RTN4: variants seen among roughly 807,000 people sequenced by gnomAD.
The protein encoded by RTN4 is reticulon 4.
A neutral mutation model predicts 90.4 loss-of-function variants in RTN4; 32 were observed. That is an observed-to-expected ratio of 0.35 (90% CI 0.27 to 0.48). The LOEUF (loss-of-function observed/expected upper bound fraction) is 0.48, where lower values mean the gene tolerates loss of function less well. RTN4 is among the 20% of genes least tolerant of loss of function. The pLI, the probability that RTN4 is intolerant of heterozygous loss-of-function variation, is 0.99. For missense variants in RTN4, 1,706 were observed against 1,430.2 expected, an observed-to-expected ratio of 1.19 and a Z score of -3.11; for synonymous variants, 629 against 552.5, an observed-to-expected ratio of 1.14 and a Z score of -1.94.
chr2:55,105,490 A>G (rs538659672), intron 1 of RTN4, among the ~76,000 whole-genome samples: 15 of 152,028 alleles, frequency 9.9e-5, no homozygotes, highest in Non-Finnish European at 1.5e-4. Context: ...TCAGCTTCCC[A>G]AAGTTGTGGG....
At chr2:54,985,592 A>G (rs1232856688) in intron 4 of RTN4, among the ~76,000 whole-genome samples, 1 of 152,232 alleles carries the variant, frequency 6.6e-6, no homozygotes, top group Admixed American at 6.5e-5. Flanking sequence ...TAAAATATGT[A>G]CATAAAAGGT....
At chr2:55,043,652 G>T (rs1031062253) in intron 1 of RTN4, among the ~76,000 whole-genome samples, 15 of 152,092 alleles carry the variant, frequency 9.9e-5, no homozygotes, top group African/African-American at 3.1e-4. Context: ...GTGGGACACC[G>T]AGGCAGGTGG....
Position 54,977,017 on chromosome 2 carries a change from G to A in RTN4, c.3361-2253C>T, listed in dbSNP as rs150552929. 1.8e-4 allele frequency among the ~76,000 whole-genome samples: 27 copies of A among 152,356 alleles called. 1 individual carries two copies. The highest frequency in any genetic ancestry group is 1.7e-3 in the East Asian group (9 of 5,196). On this transcript the variant is annotated intron_variant, in intron 5 of 8. Transcript: ENST00000337526. ...TTATCTTTCTTCCAGGGCAATAAGA[G>A]AATTAAATTCACTGTGTATAACACA...
At chr2:55,086,001 A>G (rs1372089195) in intron 1 of RTN4, among the ~76,000 whole-genome samples, 1 of 152,248 alleles carries the variant, frequency 6.6e-6, no homozygotes, top group Middle Eastern at 3.2e-3. Flanking sequence ...TGTAGCGTCA[A>G]TAGGTGATAG....
intron 2 of RTN4, among the ~76,000 whole-genome samples, chr2:55,075,903 T>C (rs1254107950): frequency 2.0e-5 from 3 of 152,164 alleles, no homozygotes; most frequent in Non-Finnish European, 4.4e-5. Context: ...AGAATGAAAC[T>C]GGATTCTCAT....
intron 5 of RTN4, 72 bp downstream of exon 5, chr2:54,982,443 C>G: frequency 7.5e-7 from 1 of 1,331,806 alleles, no homozygotes. Context: ...TATAGAAGAA[C>G]AGAATTTTAC....
intron 1 of RTN4, among the ~76,000 whole-genome samples, chr2:55,098,612 CATCAAT>C (rs965315183): frequency 1.2e-4 from 19 of 152,176 alleles, no homozygotes; most frequent in African/African-American, 4.6e-4. Context: ...AATCTCTTAA[CATCAAT>C]ATCGAGTCAT....
chr2:55,045,616 C>T (rs972962218), intron 1 of RTN4, among the ~76,000 whole-genome samples: 8 of 151,812 alleles, frequency 5.3e-5, no homozygotes, highest in African/African-American at 9.7e-5. Flanking sequence ...AGCTCTAATT[C>T]GAGAAGGGGT....
chr2:55,037,809 A>C (rs1320935362), intron 1 of RTN4, among the ~76,000 whole-genome samples: 1 of 152,244 alleles, frequency 6.6e-6, no homozygotes, highest in Non-Finnish European at 1.5e-5. Flanking sequence ...TCTGAAATTT[A>C]TGCAGAAATA....
Position 55,050,161 on chromosome 2 carries a change from T to C in RTN4, c.140A>G (p.Glu47Gly). 2 of 1,562,762 alleles carry C rather than the reference T, an allele frequency of 1.3e-6. No homozygotes were observed. Among genetic ancestry groups the C allele is most frequent in the Non-Finnish European group, 1.7e-6 (2 of 1,161,700 alleles). Residue 47 changes from glutamate (E) to glycine (G), a missense_variant, in exon 1 of 9, where the codon GAA (glutamate) becomes GGA (glycine). Physicochemically the swap from Glu to Gly is moderately conservative, Grantham distance 98. Coordinates refer to ENST00000337526, the MANE Select transcript of RTN4 (RefSeq NM_020532.5). This position sits in a 1 kb window ranked among gnomAD's most constrained non-coding sequence, Gnocchi z 4.6. The part of the protein sequence containing the change: ...EEEEEEEDED[E>G]DLEELEVLER... ...CAGCACCTCCAGCTCCTCCAGGTCT[T>C]CGTCCTCGTCCTCCTCTTCCTCCTC...
At chr2:55,061,332 G>C (rs1668288430) in intron 2 of RTN4, among the ~76,000 whole-genome samples, 1 of 152,124 alleles carries the variant, frequency 6.6e-6, no homozygotes, top group South Asian at 2.1e-4. Flanking sequence ...CCAAAGTGCT[G>C]GGATTACAGA....
chr2:55,104,498 A>C lies in RTN4; in HGVS notation c.-214+8022T>G, dbSNP rs1387092487. 3.3e-5 allele frequency among the ~76,000 whole-genome samples: 5 copies of C among 151,880 alleles called. No homozygotes were observed. The South Asian group carries it at 1.0e-3, about 32-fold the overall frequency. On this transcript the variant is annotated intron_variant, in intron 1 of 3. Coordinates refer to the RTN4 transcript ENST00000427710. ...CCCGAGTATCTGGGACTACAGGCGC[A>C]TGCCACCACATCTGGCTAATTTTTG...
At chr2:55,099,046 T>G (rs1212687600) in intron 1 of RTN4, among the ~76,000 whole-genome samples, 1 of 152,164 alleles carries the variant, frequency 6.6e-6, no homozygotes, top group Non-Finnish European at 1.5e-5. Flanking sequence ...CACTTCTCCT[T>G]AAGGCCTAGA....
At chr2:55,120,229 C>CA in the RTN4 span, among the ~76,000 whole-genome samples, 1 of 152,194 alleles carries the variant, frequency 6.6e-6, no homozygotes, top group African/African-American at 2.4e-5. Flanking sequence ...CCGAAGGAAG[C>CA]AAAGGTTCTT....
Position 54,979,195 on chromosome 2 carries a change from G to A in RTN4, c.3360+3320C>T, listed in dbSNP as rs530039355. Among the ~76,000 whole-genome samples the A allele has an allele frequency of 1.9e-4, 29 of 151,170 alleles. 1 individual carries two copies. Among genetic ancestry groups the A allele is most frequent in the Admixed American group, 6.6e-4 (10 of 15,156 alleles). On this transcript the variant is annotated intron_variant, in intron 5 of 8. Coordinates refer to ENST00000337526, the MANE Select transcript of RTN4 (RefSeq NM_020532.5). ...AGCCTCCCAAGTAGCTGGGACTACA[G>A]GCATGGGCGACCATGGCTGGCTGAT...
chr2:54,997,985 G>C (rs1175011890), intron 3 of RTN4, among the ~76,000 whole-genome samples: 1 of 152,132 alleles, frequency 6.6e-6, no homozygotes, highest in East Asian at 1.9e-4. Context: ...GGGTCTTAGA[G>C]TCTTACCCCT....
intron 5 of RTN4, among the ~76,000 whole-genome samples, chr2:54,978,054 T>C (rs115114228): frequency 6.6e-6 from 1 of 152,148 alleles, no homozygotes; most frequent in Admixed American, 6.5e-5. Flanking sequence ...CAAAAGGCAA[T>C]AAGCAAGGAA....
In RTN4 at chr2:55,026,836, ATCCACT is replaced by A. The variant is rs1342416183; in HGVS notation, c.1257_1262del (p.Lys419_Asp421delinsAsn). 6.2e-7 allele frequency: 1 copy of A among 1,613,800 alleles called. No individual in the cohort carries two copies. The highest frequency in any genetic ancestry group is 2.2e-5 in the East Asian group (1 of 44,888). On this transcript the variant is annotated inframe_deletion, in exon 3 of 9. Transcript: ENST00000337526. ...CAAGGCTATCTGCAAAACATTTTTT[ATCCACT>A]TTACTTTCCAAGTTGCTCTCGATTT... is the stretch of plus-strand genomic sequence containing the variant.
rs10719347 is a variant in RTN4, at chr2:55,067,412, ATT to A, written c.-63+13075_-63+13076del. Among the ~76,000 whole-genome samples the A allele has an allele frequency of 9.0e-3, 1,274 of 141,292 alleles. 9 individuals are homozygous for A. The highest frequency in any genetic ancestry group is 0.024 in the African/African-American group (925 of 38,722). 92.7% of individuals were successfully genotyped at this position (141,292 alleles called of 152,430 possible). On this transcript the variant is annotated intron_variant, in intron 2 of 3. Coordinates refer to the RTN4 transcript ENST00000427710. ...TCAACTTTGCAGTAACCATATTGCAATTTTTTTTTTTTTTTTTTAAGATAGAG... is the reference window on the plus strand; with the variant it reads ...TCAACTTTGCAGTAACCATATTGCAATTTTTTTTTTTTTTTTAAGATAGAG...
Sources: gnomAD v4.1 joint callset for allele counts (sites outside exome capture counted in the v4.1 genomes callset) on GRCh38, gnomAD v4.1.1 for gene constraint, Gnocchi (gnomAD v3.1) non-coding constraint, MANE v1.5 for transcripts, NCBI Gene and HGNC (gene_info 2026-07-23, HGNC 2026-07-21) for gene names.